Variants in TMC1 observed in about 807,000 individuals in gnomAD.
The protein encoded by TMC1 is transmembrane channel-like protein 1.
Under a neutral mutation model 105.8 loss-of-function variants are expected in TMC1, and 84 were observed. That is an observed-to-expected ratio of 0.79 (90% CI 0.67 to 0.95). The LOEUF is 0.95. Ranked by LOEUF, TMC1 falls within the 40% of genes least tolerant of loss-of-function variation. The pLI is 0.00. For synonymous variants in TMC1, 315 were observed against 311.5 expected (o/e 1.01, Z -0.12); for missense variants, 817 against 914.1 (o/e 0.89, Z 1.37).
intron 8 of TMC1, among the ~76,000 whole-genome samples, chr9:72,736,104 T>C (rs1408849762): frequency 1.3e-5 from 2 of 152,196 alleles, no homozygotes; most frequent in Non-Finnish European, 2.9e-5. Flanking sequence ...GTCTGGACTT[T>C]GTTTAAAAAC....
rs1828558685 is a variant in TMC1, at chr9:72,805,480, T to C, written c.1665T>C (p.Tyr555=). 3 of 1,614,002 alleles carry C rather than the reference T, an allele frequency of 1.9e-6. No individual in the cohort carries two copies. The highest frequency in any genetic ancestry group is 2.5e-6 in the Non-Finnish European group (3 of 1,179,934). ...LRACFVRFCN[Y]CWCWDLEYGY... ...CATGTTTTGTGAGGTTTTGCAATTATTGCTGGTGCTGGGACTTGGAGTATG... is the reference window on the plus strand; with the variant it reads ...CATGTTTTGTGAGGTTTTGCAATTACTGCTGGTGCTGGGACTTGGAGTATG... The change falls in exon 18 of 24, where the codon TAT becomes TAC. Residue 555 remains tyrosine (Y), a synonymous_variant. Transcript: ENST00000297784.
intron 1 of TMC1, among the ~76,000 whole-genome samples, chr9:72,562,666 A>G (rs1283368651): frequency 6.6e-6 from 1 of 152,072 alleles, no homozygotes; most frequent in Non-Finnish European, 1.5e-5. Context: ...ACATATATAC[A>G]ATTATTATTT....
rs180689133 is a variant in TMC1 at position 72,747,051 on chromosome 9, G to T, written c.535+4526G>T. Among the ~76,000 whole-genome samples, 618 of 152,242 alleles carry T rather than the reference G, an allele frequency of 4.1e-3. 1 individual carries two copies. Among genetic ancestry groups the T allele is most frequent in the Non-Finnish European group, 6.2e-3 (425 of 68,012 alleles). ...ATAATTGAATGTATTTCTAGCTGGGGATTACAAATTTTTCTCAGGATCAAA... is the reference window on the plus strand; with the variant it reads ...ATAATTGAATGTATTTCTAGCTGGGTATTACAAATTTTTCTCAGGATCAAA... On this transcript the variant is annotated intron_variant, in intron 10 of 23. Transcript: ENST00000297784.
rs776193666 is a variant in TMC1 at position 72,754,821 on chromosome 9, G to C, written c.678G>C (p.Arg226Ser). The change falls in exon 12 of 24, where the codon AGG becomes AGC. Residue 226 changes from arginine (R) to serine (S), a missense_variant. By Grantham distance (110) the Arg-to-Ser change is moderately radical. Coordinates refer to ENST00000297784, the MANE Select transcript of TMC1 (RefSeq NM_138691.3). ...LWGLPYGSLP[R>S]KTVPRAEEAS... Reference sequence around the variant, plus strand: ...GTTTGCCATATGGCAGTTTACCTAGGAAAACCGTTCCCAGAGCCGAAGAGG... The same window carrying C: ...GTTTGCCATATGGCAGTTTACCTAGCAAAACCGTTCCCAGAGCCGAAGAGG... 6.2e-7 allele frequency: 1 copy of C among 1,614,122 alleles called. No homozygotes were observed. The highest frequency in any genetic ancestry group is 1.7e-5 in the Admixed American group (1 of 60,028).
chr9:72,557,382 C>G (rs1399976133), intron 1 of TMC1, among the ~76,000 whole-genome samples: 1 of 149,908 alleles, frequency 6.7e-6, no homozygotes, highest in African/African-American at 2.4e-5. Flanking sequence ...AACAAACAAA[C>G]AAAAAAACAG....
intron 10 of TMC1, among the ~76,000 whole-genome samples, chr9:72,743,712 TAGGAAGGA>T (rs144187332): frequency 5.3e-4 from 81 of 151,472 alleles, no homozygotes; most frequent in South Asian, 1.9e-3. Flanking sequence ...AGAATATTCA[TAGGAAGGA>T]AGGAAGGAAG....
At chr9:72,819,756 G>T (rs1354971672) in intron 19 of TMC1, among the ~76,000 whole-genome samples, 1 of 152,110 alleles carries the variant, frequency 6.6e-6, no homozygotes, top group Non-Finnish European at 1.5e-5. Context: ...CAACTATTCA[G>T]GGAGTACAAA....
chr9:72,632,298 C>T (rs1258202954), intron 4 of TMC1, among the ~76,000 whole-genome samples: 1 of 152,178 alleles, frequency 6.6e-6, no homozygotes, highest in Non-Finnish European at 1.5e-5. Context: ...TCAAGACATT[C>T]ATGAGGAATC....
intron 23 of TMC1, 39 bp from the exon 24 acceptor site, chr9:72,835,912 C>CTTTTT: frequency 3.5e-6 from 5 of 1,436,352 alleles, no homozygotes; most frequent in Non-Finnish European, 4.8e-6. Context: ...TCTCTCTCTC[C>CTTTTT]TTGTTTTTTT....
intron 5 of TMC1, among the ~76,000 whole-genome samples, chr9:72,661,103 G>A (rs889199744): frequency 4.0e-5 from 6 of 151,826 alleles, no homozygotes; most frequent in African/African-American, 1.4e-4. Flanking sequence ...AGTGAGCCAA[G>A]ATCACGCCAC....
chr9:72,578,043 G>C lies in TMC1; in HGVS notation c.-306+20G>C, dbSNP rs976309566. 6.6e-6 allele frequency: 1 copy of C among 151,986 alleles called. No individual in the cohort carries two copies. Among genetic ancestry groups the C allele is most frequent in the African/African-American group, 2.4e-5 (1 of 41,348 alleles). 9.4% of individuals were successfully genotyped at this position (151,986 alleles called of 1,614,324 possible). A position where few individuals can be genotyped will look rare whatever the true frequency, so the allele number is the denominator to read the frequency against. ...TTTCAGGTATGCCTCACCATGCCTG[G>C]CTGATTTTTGTATTTTTAGTAGAGG... is the stretch of plus-strand genomic sequence containing the variant. On this transcript the variant is annotated intron_variant, in intron 2 of 23. Transcript: ENST00000297784.
intron 13 of TMC1, among the ~76,000 whole-genome samples, chr9:72,786,447 A>T (rs1482024615): frequency 6.7e-6 from 1 of 150,282 alleles, no homozygotes; most frequent in Non-Finnish European, 1.5e-5. Context: ...CTCCTCAAAC[A>T]AAAACAAAAC....
chr9:72,802,154 T>A (rs1274661310), intron 17 of TMC1, among the ~76,000 whole-genome samples: 3 of 152,004 alleles, frequency 2.0e-5, no homozygotes, highest in African/African-American at 7.2e-5. Context: ...GCTACTCAGG[T>A]GGCTGAGACA....
intron 1 of TMC1, among the ~76,000 whole-genome samples, chr9:72,575,330 A>G (rs1159031216): frequency 6.6e-6 from 1 of 151,762 alleles, no homozygotes; most frequent in African/African-American, 2.4e-5. Flanking sequence ...ACAGGCACCC[A>G]CCACCAAGCC....
At chr9:72,798,703 G>C (rs887361312) in intron 17 of TMC1, among the ~76,000 whole-genome samples, 4 of 152,022 alleles carry the variant, frequency 2.6e-5, no homozygotes, top group African/African-American at 9.7e-5. Flanking sequence ...GGTGAGAGGA[G>C]GGAGAAGAGC....
intron 1 of TMC1, among the ~76,000 whole-genome samples, chr9:72,561,102 A>C (rs72731118): frequency 0.08 from 12,079 of 151,674 alleles, 595 homozygotes; most frequent in African/African-American, 0.12. Flanking sequence ...TCATGAGGTC[A>C]GGAGATCAGG....
intron 1 of TMC1, among the ~76,000 whole-genome samples, chr9:72,559,486 A>G (rs1189359090): frequency 6.6e-6 from 1 of 152,036 alleles, no homozygotes; most frequent in Non-Finnish European, 1.5e-5. Flanking sequence ...CTCTAGTGTC[A>G]CCTATTTCCT....
rs1829023196 is a variant in TMC1 at position 72,830,538 on chromosome 9, C to A, written c.2208+9C>A. 2 of 1,609,254 alleles carry A rather than the reference C, an allele frequency of 1.2e-6. No individual in the cohort carries two copies. The highest frequency in any genetic ancestry group is 1.3e-5 in the African/African-American group (1 of 74,848). ...AAAAGAAGATGAAAATGGTATGATACAATTTATTTCATAGAAATATTATCT... is the reference window on the plus strand; with the variant it reads ...AAAAGAAGATGAAAATGGTATGATAAAATTTATTTCATAGAAATATTATCT... On this transcript the variant is annotated intron_variant, in intron 22 of 23. Coordinates refer to ENST00000297784, the MANE Select transcript of TMC1 (RefSeq NM_138691.3).
intron 1 of TMC1, among the ~76,000 whole-genome samples, chr9:72,568,895 A>T (rs1389269798): frequency 1.3e-5 from 2 of 152,210 alleles, no homozygotes; most frequent in Non-Finnish European, 2.9e-5. Flanking sequence ...AGAAAATAAA[A>T]GCTAAATTGA....
Sources: allele counts gnomAD v4.1 joint callset (sites outside exome capture counted in the v4.1 genomes callset), GRCh38; gene constraint gnomAD v4.1.1; transcripts MANE v1.5; gene names NCBI Gene and HGNC (gene_info 2026-07-23, HGNC 2026-07-21).